CDH18: variants seen among roughly 807,000 people sequenced by gnomAD.
CDH18 encodes the protein cadherin 18, also known as cadherin-18.
CDH18 carries 31 observed loss-of-function variants against 67.9 expected under a neutral mutation model. The ratio of observed to expected loss-of-function variants is 0.46; its 90% confidence interval spans 0.34 to 0.62. The LOEUF (loss-of-function observed/expected upper bound fraction) is 0.62. Ranked by LOEUF, CDH18 falls within the 20% of genes least tolerant of loss-of-function variation. CDH18 has a pLI of 0.01. For missense variants in CDH18, 890 were observed against 975.5 expected (o/e 0.91, Z 1.17); for synonymous variants, 362 against 347.2 (o/e 1.04, Z -0.48).
intron 1 of CDH18, among the ~76,000 whole-genome samples, chr5:20,550,802 G>A (rs555928058): frequency 2.6e-5 from 4 of 152,138 alleles, no homozygotes; most frequent in Admixed American, 1.3e-4. Context: ...ATTTTGGCTC[G>A]TGGTTCTGAA....
chr5:20,402,123 C>T (rs887279269), intron 1 of CDH18, among the ~76,000 whole-genome samples: 7 of 151,902 alleles, frequency 4.6e-5, no homozygotes. Flanking sequence ...ATTTTTTTCC[C>T]TCATCTCTTT....
chr5:20,459,292 T>C (rs1281329012), intron 1 of CDH18, among the ~76,000 whole-genome samples: 1 of 152,212 alleles, frequency 6.6e-6, no homozygotes, highest in East Asian at 1.9e-4. Flanking sequence ...TTATGTTTCC[T>C]GTGGCCTTCC....
rs993593254 is a variant in CDH18 at position 19,950,800 on chromosome 5, T to C, written c.-257+30260A>G. Reference sequence around the variant, plus strand: ...TGTTATGTTACATTGCATATAAATATTAATGGATAGAAATGAAATATTAAT... The same window carrying C: ...TGTTATGTTACATTGCATATAAATACTAATGGATAGAAATGAAATATTAAT... On this transcript the variant is annotated intron_variant, in intron 2 of 12. Coordinates refer to ENST00000382275, the MANE Select transcript of CDH18 (RefSeq NM_004934.5). 3.1e-4 allele frequency among the ~76,000 whole-genome samples: 47 copies of C among 152,160 alleles called. 2 individuals carry two copies. Among genetic ancestry groups the C allele is most frequent in the Non-Finnish European group, 1.5e-5 (1 of 68,026 alleles).
chr5:19,685,619 A>G (rs1049465215), intron 5 of CDH18, among the ~76,000 whole-genome samples: 7 of 152,130 alleles, frequency 4.6e-5, no homozygotes, highest in Non-Finnish European at 8.8e-5. Context: ...TCCTCCACAG[A>G]TATAGACGCA....
intron 1 of CDH18, among the ~76,000 whole-genome samples, chr5:20,552,344 G>A (rs116280704): frequency 1.3e-4 from 20 of 152,004 alleles, no homozygotes; most frequent in African/African-American, 3.6e-4. Context: ...GGGCGTGGTC[G>A]TGGGCGCCTG....
intron 1 of CDH18, among the ~76,000 whole-genome samples, chr5:20,425,869 G>A (rs1221757214): frequency 6.6e-6 from 1 of 150,656 alleles, no homozygotes; most frequent in Non-Finnish European, 1.5e-5. Context: ...TATTGTTGTT[G>A]TTTTAACTGG....
chr5:20,265,537 G>A (rs55934563), intron 1 of CDH18, among the ~76,000 whole-genome samples: 53,215 of 151,470 alleles, frequency 0.35, 9,551 homozygotes, highest in South Asian at 0.41. Context: ...AAAGATTATC[G>A]TAAGCTAAGA....
intron 5 of CDH18, among the ~76,000 whole-genome samples, chr5:19,713,975 T>C (rs1043234339): frequency 6.6e-6 from 1 of 152,114 alleles, no homozygotes; most frequent in Admixed American, 6.6e-5. Flanking sequence ...GTGATTCATA[T>C]GTCTGCAAAG....
At chr5:19,993,431 T>C (rs1800091309) in intron 2 of CDH18, among the ~76,000 whole-genome samples, 1 of 152,154 alleles carries the variant, frequency 6.6e-6, no homozygotes, top group South Asian at 2.1e-4. Context: ...TGAGAACTTA[T>C]TTGGAATATT....
At chr5:20,517,724 G>A (rs1017171065) in intron 1 of CDH18, among the ~76,000 whole-genome samples, 1 of 152,000 alleles carries the variant, frequency 6.6e-6, no homozygotes, top group Non-Finnish European at 1.5e-5. Flanking sequence ...AAAAGTGGGA[G>A]CTAAGTAGTT....
At position 19,614,031 on chromosome 5, in the gene CDH18, A is replaced by G. The variant is rs115572143; in HGVS notation, c.644-1430T>C. On this transcript the variant is annotated intron_variant, in intron 5 of 12. Coordinates refer to ENST00000382275, the MANE Select transcript of CDH18 (RefSeq NM_004934.5). Reference sequence around the variant, plus strand: ...CTTGATTAGTTACAGTACAATTCTTAAGAAGTTGTCAATTATAACTGTTAC... The same window carrying G: ...CTTGATTAGTTACAGTACAATTCTTGAGAAGTTGTCAATTATAACTGTTAC... Among the ~76,000 whole-genome samples, 697 of 152,210 alleles carry G rather than the reference A, an allele frequency of 4.6e-3. 5 individuals carry two copies. The highest frequency in any genetic ancestry group is 7.5e-3 in the Non-Finnish European group (509 of 67,964).
Position 20,151,412 on chromosome 5 carries a change from C to A in CDH18, c.-518+104032G>T, listed in dbSNP as rs184989228. ...CATTGATGGGCACCTAGGTTTATTC[C>A]ATGTCTTTGCTATTGTAAACAGCAC... On this transcript the variant is annotated intron_variant, in intron 2 of 14. Coordinates refer to the CDH18 transcript ENST00000507958. 7.1e-4 allele frequency among the ~76,000 whole-genome samples: 108 copies of A among 152,108 alleles called. 2 individuals carry two copies. The highest frequency in any genetic ancestry group is 2.5e-3 in the African/African-American group (103 of 41,530).
At chr5:19,986,859 T>C (rs1013220319) in intron 1 of CDH18, among the ~76,000 whole-genome samples, 1 of 152,054 alleles carries the variant, frequency 6.6e-6, no homozygotes, top group African/African-American at 2.4e-5. Flanking sequence ...TACACTAAAA[T>C]AAAAAAGAAC....
At chr5:20,521,029 G>GA (rs556047137) in intron 1 of CDH18, among the ~76,000 whole-genome samples, 9 of 151,930 alleles carry the variant, frequency 5.9e-5, no homozygotes, top group Admixed American at 2.0e-4. Context: ...TCCACCTGGA[G>GA]AAAAAAAATT....
Position 20,403,002 on chromosome 5 carries a change from C to G in CDH18, c.-579-147497G>C, listed in dbSNP as rs191431732. Among the ~76,000 whole-genome samples, 350 of 136,472 alleles carry G rather than the reference C, an allele frequency of 2.6e-3. 1 individual carries two copies. The highest frequency in any genetic ancestry group is 9.2e-3 in the African/African-American group (329 of 35,756). The allele number at this position is 136,472 out of a possible 152,430, so 89.5% of individuals were successfully genotyped here. A position where few individuals can be genotyped will look rare whatever the true frequency, so the allele number is the denominator to read the frequency against. On this transcript the variant is annotated intron_variant, in intron 1 of 14. Coordinates refer to the CDH18 transcript ENST00000507958. ...GATTGAGACCAGCCTGGCCAACATG[C>G]CATGTCTACTAAAAATACAAAAAAA...
chr5:20,300,304 G>T (rs1747868318), intron 1 of CDH18, among the ~76,000 whole-genome samples: 1 of 8,534 alleles, frequency 1.2e-4, no homozygotes, highest in African/African-American at 1.3e-4. Flanking sequence ...GTGTGTGTGC[G>T]TGTGTGTGTG....
chr5:20,145,670 C>T (rs1009472423), intron 2 of CDH18, among the ~76,000 whole-genome samples: 6 of 152,062 alleles, frequency 3.9e-5, no homozygotes, highest in African/African-American at 1.4e-4. Context: ...TAAAATTAAC[C>T]ATCATAATCT....
At chr5:19,923,786 G>C (rs1384666104) in intron 2 of CDH18, among the ~76,000 whole-genome samples, 2 of 152,122 alleles carry the variant, frequency 1.3e-5, no homozygotes, top group African/African-American at 2.4e-5. Flanking sequence ...CAAACTTAAA[G>C]GATTTCGTAT....
At chr5:20,088,071 A>G (rs1015681549) in intron 2 of CDH18, among the ~76,000 whole-genome samples, 4 of 152,236 alleles carry the variant, frequency 2.6e-5, no homozygotes, top group Non-Finnish European at 5.9e-5. Context: ...GCTACAATTA[A>G]AAGACAATTG....
Sources: allele counts gnomAD v4.1 joint callset (sites outside exome capture counted in the v4.1 genomes callset), GRCh38; gene constraint gnomAD v4.1.1; transcripts MANE v1.5; gene names NCBI Gene and HGNC (gene_info 2026-07-23, HGNC 2026-07-21).